PTPN9: variants seen among roughly 807,000 people sequenced by gnomAD.
PTPN9 encodes the protein protein tyrosine phosphatase non-receptor type 9.
PTPN9 carries 26 observed loss-of-function variants against 69.8 expected under a neutral mutation model. The ratio of observed to expected loss-of-function variants is 0.37; its 90% CI spans 0.27 to 0.52. The LOEUF is 0.52. Ranked by LOEUF, PTPN9 falls within the 20% of genes least tolerant of loss-of-function variation. The probability of loss-of-function intolerance (pLI) is 0.91; values close to 1 mark genes in which losing one functional copy is unlikely to be tolerated. For synonymous variants in PTPN9, 274 were observed against 272.5 expected, an observed-to-expected ratio of 1.01 and a Z score of -0.05; for missense variants, 549 against 740.3, an observed-to-expected ratio of 0.74 and a Z score of 3.00.
intron 1 of PTPN9, among the ~76,000 whole-genome samples, chr15:75,539,326 T>C (rs1322656667): frequency 6.6e-6 from 1 of 151,934 alleles, no homozygotes; most frequent in Non-Finnish European, 1.5e-5. Flanking sequence ...TTTTTTTTTT[T>C]TTTTTGAGAT....
chr15:75,570,341 G>GT (rs1364111109), intron 1 of PTPN9: 1 of 152,194 alleles, frequency 6.6e-6, no homozygotes, highest in Admixed American at 6.5e-5. Context: ...CACAGGACAT[G>GT]TAAGACTGTG....
At chr15:75,503,638 T>G (rs1231094839) in intron 7 of PTPN9, among the ~76,000 whole-genome samples, 15 of 14,062 alleles carry the variant, frequency 1.1e-3, no homozygotes, top group South Asian at 2.0e-3. Flanking sequence ...GTCCGGGAGG[T>G]GAGGGGCGCC....
intron 8 of PTPN9, among the ~76,000 whole-genome samples, chr15:75,484,668 G>A (rs192602209): frequency 6.6e-6 from 1 of 152,366 alleles, no homozygotes; most frequent in East Asian, 1.9e-4. Context: ...GATAGAAGCA[G>A]TGGAATGGAT....
At chr15:75,573,218 T>C (rs893522464) in intron 1 of PTPN9, among the ~76,000 whole-genome samples, 2 of 152,212 alleles carry the variant, frequency 1.3e-5, no homozygotes, top group African/African-American at 4.8e-5. Flanking sequence ...AGTCTGAGTT[T>C]TCTTATTTGC....
intron 7 of PTPN9, among the ~76,000 whole-genome samples, chr15:75,495,108 T>C (rs1368835651): frequency 6.6e-6 from 1 of 152,152 alleles, no homozygotes; most frequent in Non-Finnish European, 1.5e-5. Context: ...TGGAAAGGCA[T>C]TGCCTTAAAA....
intron 1 of PTPN9, among the ~76,000 whole-genome samples, chr15:75,536,681 A>G (rs2074983634): frequency 6.6e-6 from 1 of 152,186 alleles, no homozygotes; most frequent in Admixed American, 6.5e-5. Flanking sequence ...CAGACTGGGA[A>G]GGCCCTTGTA....
intron 5 of PTPN9, among the ~76,000 whole-genome samples, chr15:75,511,845 T>A (rs1260184141): frequency 1.3e-5 from 2 of 148,166 alleles, no homozygotes; most frequent in Non-Finnish European, 3.0e-5. Context: ...TTCCTTTTAA[T>A]TTTTTTTTTG....
rs1263917869 is a variant in PTPN9, at chr15:75,470,724, T to C, written c.1315A>G (p.Met439Val). The change falls in exon 11 of 13, where the codon ATG becomes GTG. Residue 439 changes from methionine to valine, a missense_variant. Met to Val is a conservative substitution (Grantham distance 21). This residue lies in a region of PTPN9 where 457 missense variants were observed against 661.9 expected (regional missense o/e 0.69). Coordinates refer to ENST00000618819, the MANE Select transcript of PTPN9 (RefSeq NM_002833.4). Reference sequence around the variant, plus strand: ...AGCGTTGTTTTCTTATAATGATTCATGTTCTCCACGCCTAGATTGGTCACT... The same window carrying C: ...AGCGTTGTTTTCTTATAATGATTCACGTTCTCCACGCCTAGATTGGTCACT... ...LTVTNLGVEN[M>V]NHYKKTTLEI... is the part of the protein sequence containing the mutation. 2 of 1,614,136 alleles carry C rather than the reference T, an allele frequency of 1.2e-6. No homozygotes were observed. Among genetic ancestry groups the C allele is most frequent in the Non-Finnish European group, 1.7e-6 (2 of 1,180,056 alleles).
rs74449134 is a variant in PTPN9 at position 75,474,928 on chromosome 15, C to T, written c.1130-1161G>A. ...ATGCTCACTTTGGCCTCTATTCTTT[C>T]GCTCAAGCTGTCTCCGTCACCTCCA... On this transcript the variant is annotated intron_variant, in intron 9 of 12. Transcript: ENST00000618819. 1.2e-3 allele frequency among the ~76,000 whole-genome samples: 183 copies of T among 152,284 alleles called. 3 individuals carry two copies. In the East Asian group the frequency reaches 0.033, roughly 28 times the overall value.
chr15:75,567,135 C>G lies in PTPN9; in HGVS notation c.63+11579G>C, dbSNP rs537954100. ...TGTTCAAGTGATTCTCCTGCCTCAA[C>G]CTCTGGAGTAGCTGCAATTACAGGC... On this transcript the variant is annotated intron_variant, in intron 1 of 12. Coordinates refer to ENST00000618819, the MANE Select transcript of PTPN9 (RefSeq NM_002833.4). 2.6e-5 allele frequency among the ~76,000 whole-genome samples: 4 copies of G among 151,782 alleles called. No homozygotes were observed. In the South Asian group the frequency reaches 6.3e-4, roughly 24 times the overall value.
chr15:75,469,992 T>C lies in PTPN9; in HGVS notation c.1367A>G (p.Gln456Arg), dbSNP rs764734452. The change falls in exon 12 of 13, where the codon CAG becomes CGG. Residue 456 changes from glutamine (Q) to arginine (R), a missense_variant. Gln to Arg is a conservative substitution (Grantham distance 43, BLOSUM62 1). Transcript: ENST00000618819. ...TLEIHNTEER[Q>R]KRQVTHFQFL... ...CTGGAAGTGGGTCACCTGGCGTTTC[T>C]GCCGTTCCTTAGATAAGAAAAGAAG... 1.2e-6 allele frequency: 2 copies of C among 1,611,036 alleles called. No homozygotes were observed. The highest frequency in any genetic ancestry group is 1.1e-5 in the South Asian group (1 of 91,020).
In PTPN9 at chr15:75,578,522, G is replaced by A. The variant is rs2075184086; in HGVS notation, c.63+192C>T. 5.9e-5 allele frequency among the ~76,000 whole-genome samples: 9 copies of A among 152,236 alleles called. No homozygotes were observed. The South Asian group carries it at 1.9e-3, about 32-fold the overall frequency. On this transcript the variant is annotated intron_variant, in intron 1 of 12. Coordinates refer to ENST00000618819, the MANE Select transcript of PTPN9 (RefSeq NM_002833.4). ...AAAGAAGCGGCGGGAACGGGAGTAG[G>A]GTCCCGTGGGTCCCCCGACGAGGGG... is the stretch of plus-strand genomic sequence containing the variant.
chr15:75,552,609 T>A (rs912896008), intron 1 of PTPN9, among the ~76,000 whole-genome samples: 8 of 151,836 alleles, frequency 5.3e-5, no homozygotes, highest in African/African-American at 1.9e-4. Flanking sequence ...CTGAGCATGT[T>A]TGCGGCTCAG....
intron 1 of PTPN9, among the ~76,000 whole-genome samples, chr15:75,536,661 G>C (rs1447859976): frequency 6.6e-6 from 1 of 152,112 alleles, no homozygotes; most frequent in Non-Finnish European, 1.5e-5. Flanking sequence ...TGTGAACAGG[G>C]GGGCTGAACC....
intron 8 of PTPN9, among the ~76,000 whole-genome samples, chr15:75,485,669 C>T (rs1398856482): frequency 6.6e-6 from 1 of 150,736 alleles, no homozygotes. Flanking sequence ...CGCGCCCGGC[C>T]GAATTGTCAC....
At chr15:75,548,055 T>C (rs2075041500) in intron 1 of PTPN9, among the ~76,000 whole-genome samples, 1 of 152,094 alleles carries the variant, frequency 6.6e-6, no homozygotes, top group Admixed American at 6.6e-5. Context: ...AGATTGATAC[T>C]ATTATTATCC....
chr15:75,480,766 CG>C (rs1255277020), intron 8 of PTPN9: 6 of 1,179,066 alleles, frequency 5.1e-6, no homozygotes, highest in African/African-American at 1.6e-5. Flanking sequence ...GCCGCCGCGC[CG>C]GCGAGCGCCG....
chr15:75,551,173 G>A (rs1044345555), intron 1 of PTPN9, among the ~76,000 whole-genome samples: 2 of 152,120 alleles, frequency 1.3e-5, no homozygotes, highest in Non-Finnish European at 2.9e-5. Flanking sequence ...GAGATCAAGG[G>A]ATCCTCCTGC....
At chr15:75,562,010 T>TTTA (rs147677819) in intron 1 of PTPN9, among the ~76,000 whole-genome samples, 3 of 152,032 alleles carry the variant, frequency 2.0e-5, no homozygotes, top group South Asian at 2.1e-4. Flanking sequence ...ACCCAGCTAA[T>TTTA]TTATTATTAT....
Sources: gnomAD v4.1 joint callset for allele counts (sites outside exome capture counted in the v4.1 genomes callset) on GRCh38, gnomAD v4.1.1 for gene constraint, gnomAD v4.1.1 regional missense constraint, MANE v1.5 for transcripts, NCBI Gene and HGNC (gene_info 2026-07-23, HGNC 2026-07-21) for gene names.